ANKRD17: variants seen among roughly 807,000 people sequenced by gnomAD.
The protein encoded by ANKRD17 is ankyrin repeat domain-containing protein 17.
A neutral mutation model predicts 229.7 loss-of-function variants in ANKRD17; 19 were observed. The observed-to-expected ratio is 0.08, with a 90% CI of 0.06 to 0.12. The LOEUF (loss-of-function observed/expected upper bound fraction) is 0.12. ANKRD17 is among the 10% of genes least tolerant of loss of function. The pLI is 1.00. For synonymous variants in ANKRD17, 1,112 were observed against 1,146.1 expected (o/e 0.97, Z 0.60); for missense variants, 2,176 against 3,176.8 (o/e 0.68, Z 7.57).
intron 1 of ANKRD17, among the ~76,000 whole-genome samples, chr4:73,179,349 T>C (rs1251499668): frequency 6.7e-6 from 1 of 150,044 alleles, no homozygotes; most frequent in Non-Finnish European, 1.5e-5. Context: ...TAACTCCTTA[T>C]GGCAAGGAGA....
intron 30 of ANKRD17, 72 bp downstream of exon 30, chr4:73,085,177 T>G: frequency 6.8e-7 from 1 of 1,462,410 alleles, no homozygotes; most frequent in Non-Finnish European, 9.4e-7. Context: ...AAAATTATGA[T>G]GAGGTTTGAA....
At chr4:73,128,598 C>T (rs767674541) in intron 16 of ANKRD17, among the ~76,000 whole-genome samples, 4 of 152,128 alleles carry the variant, frequency 2.6e-5, no homozygotes, top group Non-Finnish European at 4.4e-5. Context: ...AAGCACTCTA[C>T]TAAGTGCTCG....
intron 33 of ANKRD17, 111 bp downstream of exon 33, chr4:73,076,829 A>T: frequency 7.7e-7 from 1 of 1,298,128 alleles, no homozygotes; most frequent in South Asian, 1.6e-5. Flanking sequence ...GATTTCCTCA[A>T]CTGCCCATAT....
intron 25 of ANKRD17, among the ~76,000 whole-genome samples, chr4:73,099,331 G>A (rs1723680102): frequency 6.6e-6 from 1 of 152,074 alleles, no homozygotes; most frequent in Admixed American, 6.5e-5. Context: ...CACTGCAGGG[G>A]CCCCATGGGC....
chr4:73,139,038 T>C (rs1729276851), intron 15 of ANKRD17, among the ~76,000 whole-genome samples: 4 of 139,848 alleles, frequency 2.9e-5, no homozygotes, highest in Admixed American at 1.4e-4. Context: ...TTATTAATTT[T>C]GTAAAAGTGT....
chr4:73,081,485 A>G (rs1291360731), intron 30 of ANKRD17, among the ~76,000 whole-genome samples: 8 of 152,198 alleles, frequency 5.3e-5, no homozygotes, highest in Non-Finnish European at 1.2e-4. Context: ...CTTTTCATGA[A>G]AAGAACCTAA....
At position 73,082,845 on chromosome 4, in the gene ANKRD17, TAAAGTTATTGA is replaced by T. The variant is rs1560492784; in HGVS notation, c.7159+2393_7159+2403del. The stretch of plus-strand genomic sequence containing the variant: ...TAGAATCTTGGATGAGAGAAAATAA[TAAAGTTATTGA>T]GATAACTGATGAAATGTAAATATGC... On this transcript the variant is annotated intron_variant, in intron 30 of 33. Transcript: ENST00000358602. Among the ~76,000 whole-genome samples the T allele has an allele frequency of 3.3e-5, 5 of 152,294 alleles. No homozygotes were observed. In the East Asian group the frequency reaches 9.6e-4, roughly 29 times the overall value.
chr4:73,172,479 C>A (rs1578267432), intron 2 of ANKRD17, among the ~76,000 whole-genome samples: 2 of 152,076 alleles, frequency 1.3e-5, no homozygotes, highest in South Asian at 4.1e-4. Context: ...TCTGAAGGTA[C>A]CAAACTGACT....
intron 1 of ANKRD17, among the ~76,000 whole-genome samples, chr4:73,239,624 A>G (rs1470575302): frequency 6.6e-6 from 1 of 152,214 alleles, no homozygotes; most frequent in Non-Finnish European, 1.5e-5. Flanking sequence ...GCATAGGATT[A>G]CATACACTTA....
At chr4:73,169,820 A>G (rs1382096966) in intron 2 of ANKRD17, among the ~76,000 whole-genome samples, 2 of 152,216 alleles carry the variant, frequency 1.3e-5, no homozygotes, top group African/African-American at 2.4e-5. Flanking sequence ...GCCCGGTCAC[A>G]GCGGAGAGCA....
chr4:73,254,855 A>G (rs1398919444), intron 1 of ANKRD17, among the ~76,000 whole-genome samples: 3 of 152,304 alleles, frequency 2.0e-5, no homozygotes, highest in African/African-American at 4.8e-5. Flanking sequence ...TATTTCTAAA[A>G]TAAAGTATCA....
At chr4:73,150,796 A>G (rs930546290) in intron 7 of ANKRD17, among the ~76,000 whole-genome samples, 5 of 152,168 alleles carry the variant, frequency 3.3e-5, no homozygotes, top group Non-Finnish European at 7.3e-5. Flanking sequence ...TAAATAAACA[A>G]AGATACAAAG....
chr4:73,202,382 A>C lies in ANKRD17; in HGVS notation c.394-24849T>G, dbSNP rs58042384. Among the ~76,000 whole-genome samples the C allele has an allele frequency of 4.3e-3, 647 of 151,804 alleles. 3 individuals carry two copies. Among genetic ancestry groups the C allele is most frequent in the African/African-American group, 0.014 (592 of 41,378 alleles). On this transcript the variant is annotated intron_variant, in intron 1 of 33. Transcript: ENST00000358602. ...CTGAAGTCTTACTTAGTTCAGGAGA[A>C]AAAGATCAGAGTTTAGAGAAATTAA...
At chr4:73,170,972 C>T (rs1203434514) in intron 2 of ANKRD17, among the ~76,000 whole-genome samples, 1 of 152,116 alleles carries the variant, frequency 6.6e-6, no homozygotes, top group East Asian at 1.9e-4. Flanking sequence ...GGGAAAAAAA[C>T]AAGTCTGGCT....
intron 1 of ANKRD17, among the ~76,000 whole-genome samples, chr4:73,249,813 G>A (rs1744825927): frequency 6.6e-6 from 1 of 152,166 alleles, no homozygotes; most frequent in Non-Finnish European, 1.5e-5. Flanking sequence ...ACGGCATGGC[G>A]CCACTGCACT....
chr4:73,192,175 C>T (rs994780595), intron 1 of ANKRD17, among the ~76,000 whole-genome samples: 5 of 152,012 alleles, frequency 3.3e-5, no homozygotes, highest in Admixed American at 2.0e-4. Context: ...CTTCCTCTCA[C>T]TTGAATATAA....
At chr4:73,184,169 C>T (rs1387827657) in intron 1 of ANKRD17, among the ~76,000 whole-genome samples, 1 of 152,110 alleles carries the variant, frequency 6.6e-6, no homozygotes, top group Admixed American at 6.6e-5. Context: ...AATATTACTG[C>T]CATACTAGAG....
chr4:73,229,023 T>C (rs1448427023), intron 1 of ANKRD17, among the ~76,000 whole-genome samples: 2 of 152,166 alleles, frequency 1.3e-5, no homozygotes, highest in East Asian at 3.9e-4. Flanking sequence ...CTCAGCAAAC[T>C]ATCGCAAGAA....
chr4:73,197,324 G>A (rs2149091473), intron 1 of ANKRD17, among the ~76,000 whole-genome samples: 1 of 152,236 alleles, frequency 6.6e-6, no homozygotes, highest in Middle Eastern at 3.4e-3. Flanking sequence ...TGCAATAAAT[G>A]CAATGTGATA....
Sources: gnomAD v4.1 joint callset for allele counts (sites outside exome capture counted in the v4.1 genomes callset) on GRCh38, gnomAD v4.1.1 for gene constraint, MANE v1.5 for transcripts, NCBI Gene and HGNC (gene_info 2026-07-23, HGNC 2026-07-21) for gene names.